POU6F2: variants seen among roughly 807,000 people sequenced by gnomAD.
The protein encoded by POU6F2 is POU domain, class 6, transcription factor 2.
POU6F2 carries 31 observed loss-of-function variants against 71.3 expected under a neutral mutation model. The observed-to-expected ratio is 0.43, with a 90% CI of 0.33 to 0.59. POU6F2 has a LOEUF of 0.59. POU6F2 is among the 20% of genes least tolerant of loss of function. POU6F2 has a pLI of 0.04. For synonymous variants in POU6F2, 347 were observed against 355.7 expected (o/e 0.98, Z 0.27); for missense variants, 783 against 856.8 (o/e 0.91, Z 1.07).
chr7:39,050,404 T>C (rs1790380543), intron 1 of POU6F2, among the ~76,000 whole-genome samples: 1 of 152,138 alleles, frequency 6.6e-6, no homozygotes. Context: ...CAGTTTCTGG[T>C]ATCTCCTCTG....
At chr7:39,097,521 G>A (rs1356704599) in intron 2 of POU6F2, among the ~76,000 whole-genome samples, 2 of 152,190 alleles carry the variant, frequency 1.3e-5, no homozygotes, top group African/African-American at 2.4e-5. Flanking sequence ...TCAAAACAAA[G>A]GAGAGGTACA....
chr7:39,182,159 T>C (rs1030481513), intron 2 of POU6F2, among the ~76,000 whole-genome samples: 3 of 152,260 alleles, frequency 2.0e-5, no homozygotes, highest in African/African-American at 7.2e-5. Flanking sequence ...ACATTTTAAA[T>C]AATACGAATG....
In POU6F2 at chr7:39,432,216, G is replaced by A. The variant is rs149126744; in HGVS notation, c.1114-861G>A. Reference sequence around the variant, plus strand: ...GGCCCCTCCTGTGGTCAGTCCCCATGGTCCCTCGTTGAAGCCAGAAGCCAC... The same window carrying A: ...GGCCCCTCCTGTGGTCAGTCCCCATAGTCCCTCGTTGAAGCCAGAAGCCAC... On this transcript the variant is annotated intron_variant, in intron 6 of 9. Coordinates refer to ENST00000518318, the MANE Select transcript of POU6F2 (RefSeq NM_001370959.1). 2.0e-3 allele frequency among the ~76,000 whole-genome samples: 300 copies of A among 152,140 alleles called. 3 individuals carry two copies. The highest frequency in any genetic ancestry group is 6.3e-3 in the African/African-American group (263 of 41,508).
At chr7:39,087,587 A>G (rs551709331) in intron 2 of POU6F2, among the ~76,000 whole-genome samples, 19 of 152,330 alleles carry the variant, frequency 1.2e-4, no homozygotes, top group African/African-American at 4.3e-4. Flanking sequence ...GAGAAAAGTC[A>G]GATAAAATGA....
chr7:39,430,607 G>T (rs1788077490), intron 6 of POU6F2, among the ~76,000 whole-genome samples: 1 of 152,182 alleles, frequency 6.6e-6, no homozygotes, highest in Non-Finnish European at 1.5e-5. Flanking sequence ...TTTCATTACT[G>T]CAGAGGTGAG....
chr7:39,163,920 C>T (rs1039891315), intron 2 of POU6F2, among the ~76,000 whole-genome samples: 2 of 152,086 alleles, frequency 1.3e-5, no homozygotes, highest in African/African-American at 2.4e-5. Flanking sequence ...GTGCAGGTTA[C>T]CAGAGGCTGG....
chr7:39,151,748 C>T (rs1792764278), intron 2 of POU6F2, among the ~76,000 whole-genome samples: 1 of 152,124 alleles, frequency 6.6e-6, no homozygotes, highest in South Asian at 2.1e-4. Context: ...TGCCCCTTTG[C>T]CAATAATCCC....
intron 1 of POU6F2, among the ~76,000 whole-genome samples, chr7:39,032,480 CA>C (rs1270872867): frequency 6.6e-6 from 1 of 152,182 alleles, no homozygotes; most frequent in Non-Finnish European, 1.5e-5. Context: ...ACACATTGAT[CA>C]CACCTGTTTG....
At position 39,040,948 on chromosome 7, in the gene POU6F2, TATACTC is replaced by T. The variant is rs887512283; in HGVS notation, c.106-44907_106-44902del. Among the ~76,000 whole-genome samples the T allele has an allele frequency of 1.1e-4, 17 of 152,028 alleles. No homozygotes were observed. In the South Asian group the frequency reaches 1.4e-3, roughly 13 times the overall value. On this transcript the variant is annotated intron_variant, in intron 1 of 9. Transcript: ENST00000518318. Reference sequence around the variant, plus strand: ...ATACAGACTTTTTTAAAAATGAAAATATACTCATACAGTGGTCTGTAGAATTTTTCA... The same window carrying T: ...ATACAGACTTTTTTAAAAATGAAAATATACAGTGGTCTGTAGAATTTTTCA...
At chr7:39,444,688 C>A (rs1788483122) in intron 7 of POU6F2, among the ~76,000 whole-genome samples, 1 of 152,242 alleles carries the variant, frequency 6.6e-6, no homozygotes. Context: ...TCAAAAGCAA[C>A]CTTTTGCTTC....
chr7:39,203,251 G>A (rs983410327), intron 2 of POU6F2, among the ~76,000 whole-genome samples: 1 of 152,076 alleles, frequency 6.6e-6, no homozygotes, highest in Non-Finnish European at 1.5e-5. Context: ...GTTGTCCATG[G>A]CATGCCGGTA....
chr7:39,079,795 A>T (rs565211156), intron 1 of POU6F2, among the ~76,000 whole-genome samples: 30 of 152,292 alleles, frequency 2.0e-4, no homozygotes, highest in East Asian at 1.5e-3. Flanking sequence ...GCATGCTGGG[A>T]TCAATATTTG....
intron 4 of POU6F2, among the ~76,000 whole-genome samples, chr7:39,236,687 A>G (rs1794682374): frequency 6.6e-6 from 1 of 152,096 alleles, no homozygotes; most frequent in South Asian, 2.1e-4. Flanking sequence ...GTAGCATGCT[A>G]CTTCATTTAT....
intron 1 of POU6F2, among the ~76,000 whole-genome samples, chr7:39,019,523 C>T (rs1013209406): frequency 6.6e-6 from 1 of 152,074 alleles, no homozygotes; most frequent in Admixed American, 6.6e-5. Context: ...AAATTTCATT[C>T]ACTACTCCTT....
intron 4 of POU6F2, among the ~76,000 whole-genome samples, chr7:39,297,190 T>TCACATACACAC (rs1554339589): frequency 4.7e-4 from 56 of 118,176 alleles, no homozygotes; most frequent in Non-Finnish European, 6.7e-4. Flanking sequence ...CAAACACACA[T>TCACATACACAC]ACACATACAC....
intron 1 of POU6F2, among the ~76,000 whole-genome samples, chr7:39,005,516 T>TGTG (rs1789037629): frequency 3.5e-5 from 1 of 28,300 alleles, no homozygotes; most frequent in African/African-American, 8.3e-5. Context: ...GTGTGTGTGT[T>TGTG]TATGTTGTGT....
At chr7:39,401,283 G>T (rs76868431) in intron 5 of POU6F2, among the ~76,000 whole-genome samples, 8,185 of 152,254 alleles carry the variant, frequency 0.054, 295 homozygotes, top group Non-Finnish European at 0.076. Context: ...GAGTGGGAAG[G>T]TCAGCATCTA....
intron 1 of POU6F2, among the ~76,000 whole-genome samples, chr7:39,074,128 T>A (rs1377538532): frequency 6.6e-6 from 1 of 152,200 alleles, no homozygotes; most frequent in Non-Finnish European, 1.5e-5. Context: ...ACTGGCAGAT[T>A]GCCTGAGCTC....
At chr7:38,985,589 A>C (rs1295141371) in intron 1 of POU6F2, among the ~76,000 whole-genome samples, 1 of 152,146 alleles carries the variant, frequency 6.6e-6, no homozygotes, top group Non-Finnish European at 1.5e-5. Context: ...CCTAGGTCAG[A>C]ATTTGAGAAA....
Sources: gnomAD v4.1 joint callset for allele counts (sites outside exome capture counted in the v4.1 genomes callset) on GRCh38, gnomAD v4.1.1 for gene constraint, MANE v1.5 for transcripts, NCBI Gene and HGNC (gene_info 2026-07-23, HGNC 2026-07-21) for gene names.